Variants in NDEL1 observed in about 807,000 individuals in gnomAD.
NDEL1 encodes the protein nudE neurodevelopment protein 1 like 1, also known as nuclear distribution protein nudE-like 1.
NDEL1 carries 9 observed loss-of-function variants against 45.7 expected under a neutral mutation model. The ratio of observed to expected loss-of-function variants is 0.20; its 90% CI spans 0.12 to 0.34. The LOEUF is 0.34. Ranked by LOEUF, NDEL1 falls within the 10% of genes least tolerant of loss-of-function variation. NDEL1 has a pLI of 1.00. For synonymous variants in NDEL1, 133 were observed against 158.6 expected (o/e 0.84, Z 1.21); for missense variants, 306 against 406.2 (o/e 0.75, Z 2.12).
At chr17:8,427,206 G>C (rs1004029243) in intron 1 of NDEL1, among the ~76,000 whole-genome samples, 4 of 152,230 alleles carry the variant, frequency 2.6e-5, no homozygotes, top group African/African-American at 9.6e-5. Context: ...GGGAGTCTGA[G>C]CTGCTTTGAG....
intron 1 of NDEL1, among the ~76,000 whole-genome samples, chr17:8,419,712 C>G (rs1908654961): frequency 6.6e-6 from 1 of 152,084 alleles, no homozygotes; most frequent in African/African-American, 2.4e-5. Context: ...AACTTTAATT[C>G]TTTTTCAGGT....
At chr17:8,469,146 G>T (rs995084726), downstream of NDEL1, among the ~76,000 whole-genome samples, 1 of 152,104 alleles carries the variant, frequency 6.6e-6, no homozygotes, top group Non-Finnish European at 1.5e-5. Context: ...AGGGACACTC[G>T]CGGTGGGTGT....
intron 7 of NDEL1, among the ~76,000 whole-genome samples, chr17:8,457,961 T>C (rs1306443918): frequency 2.0e-5 from 3 of 152,262 alleles, no homozygotes; most frequent in Non-Finnish European, 4.4e-5. Context: ...GTAATACTTA[T>C]GTGGTACATA....
intron 1 of NDEL1, among the ~76,000 whole-genome samples, chr17:8,428,358 G>A (rs1030270530): frequency 0.047 from 2,292 of 48,300 alleles, 140 homozygotes; most frequent in African/African-American, 0.094. Flanking sequence ...GTGTGTGTGT[G>A]TGTATTTTTT....
At chr17:8,432,341 TATATAA>T (rs372427526), upstream of NDEL1, among the ~76,000 whole-genome samples, 463 of 12,150 alleles carry the variant, frequency 0.038, 25 homozygotes, top group African/African-American at 0.04. Flanking sequence ...ATATATATTA[TATATAA>T]ATATAAATAT....
chr17:8,435,854 G>A (rs1909282504), upstream of NDEL1: 1 of 446,674 alleles, frequency 2.2e-6, no homozygotes, highest in Non-Finnish European at 4.5e-6. Flanking sequence ...CCGCCCCCGT[G>A]CGTCACAGAA....
At chr17:8,441,734 C>T (rs529882420) in intron 1 of NDEL1, among the ~76,000 whole-genome samples, 82 of 152,100 alleles carry the variant, frequency 5.4e-4, no homozygotes, top group African/African-American at 1.8e-3. Flanking sequence ...TGGTGTCATC[C>T]GTCTGAAGCA....
At chr17:8,432,795 T>G (rs1373225031), upstream of NDEL1, among the ~76,000 whole-genome samples, 2 of 152,186 alleles carry the variant, frequency 1.3e-5, no homozygotes, top group Non-Finnish European at 2.9e-5. Context: ...TGCCCTTGTT[T>G]GATGAGAGAA....
At chr17:8,453,189 G>A (rs1374302150) in intron 6 of NDEL1, among the ~76,000 whole-genome samples, 2 of 152,102 alleles carry the variant, frequency 1.3e-5, no homozygotes, top group Admixed American at 1.3e-4. Flanking sequence ...CACGTTGAGC[G>A]CCTGTTATGT....
intron 1 of NDEL1, among the ~76,000 whole-genome samples, chr17:8,426,192 C>G (rs1908826422): frequency 6.6e-6 from 1 of 152,162 alleles, no homozygotes; most frequent in Non-Finnish European, 1.5e-5. Flanking sequence ...GTTAATTGTG[C>G]TATGCCAGGC....
downstream of NDEL1, among the ~76,000 whole-genome samples, chr17:8,468,333 T>C (rs189802005): frequency 1.5e-3 from 222 of 152,350 alleles, no homozygotes; most frequent in African/African-American, 5.2e-3. Context: ...GTCCTCATGC[T>C]GTTTCTTGGC....
chr17:8,417,413 C>T (rs190363748), intron 1 of NDEL1, among the ~76,000 whole-genome samples: 1 of 152,216 alleles, frequency 6.6e-6, no homozygotes, highest in Admixed American at 6.5e-5. Context: ...ATATTGAAGC[C>T]CTTGAATTTC....
In NDEL1 at chr17:8,438,486, C is replaced by A. The variant is rs142851508; in HGVS notation, c.-13+2441C>A. Among the ~76,000 whole-genome samples, 40 of 152,224 alleles carry A rather than the reference C, an allele frequency of 2.6e-4. No individual in the cohort carries two copies. The East Asian group carries it at 6.6e-3, about 25-fold the overall frequency. ...GTCGTTTGAGTATCTGCAGTGGTAG[C>A]AAATTTTATTATTTGTAAATAATCT... is the stretch of plus-strand genomic sequence containing the variant. On this transcript the variant is annotated intron_variant, in intron 1 of 8. Coordinates refer to ENST00000334527, the MANE Select transcript of NDEL1 (RefSeq NM_030808.5).
chr17:8,435,790 G>GCCCCGCCCCA (rs1909265431), upstream of NDEL1: 1 of 371,040 alleles, frequency 2.7e-6, no homozygotes, highest in Non-Finnish European at 5.3e-6. Context: ...TGTGACACCA[G>GCCCCGCCCCA]CCCCGCCCCA....
At chr17:8,473,603 C>T (rs561542488) in intron 3 of NDEL1, among the ~76,000 whole-genome samples, 1 of 152,320 alleles carries the variant, frequency 6.6e-6, no homozygotes, top group African/African-American at 2.4e-5. Context: ...CACCTTTCCT[C>T]TCCTATGGTA....
Position 8,418,027 on chromosome 17 carries a change from C to T in NDEL1, c.-13+4758C>T, listed in dbSNP as rs142158107. 1.0e-3 allele frequency among the ~76,000 whole-genome samples: 156 copies of T among 152,304 alleles called. 1 individual carries two copies. Among genetic ancestry groups the T allele is most frequent in the East Asian group, 5.8e-3 (30 of 5,182 alleles). ...TTGCTTTTCAAAGTAGCCCGCACCT[C>T]CAGTTACTGAGACTTTCTGGAGTTA... On this transcript the variant is annotated intron_variant, in intron 1 of 4. Coordinates refer to the NDEL1 transcript ENST00000582812.
At chr17:8,444,128 G>C (rs2151715077) in intron 1 of NDEL1, 132 bp from the exon 2 acceptor site, 1 of 607,850 alleles carries the variant, frequency 1.6e-6, no homozygotes, top group Non-Finnish European at 2.9e-6. Context: ...AGTTTGAAGA[G>C]AGTTAACCAC....
rs770188824 is a variant in NDEL1, at chr17:8,454,832, C to G, written c.737C>G (p.Pro246Arg). The stretch of plus-strand genomic sequence containing the variant: ...GGTTTTGGTACCAGTCCACTAACTC[C>G]CTCTGCTAGGATATCAGCACTAAAC... ...PNGFGTSPLT[P>R]SARISALNIV... Residue 246 changes from proline to arginine, a missense_variant, in exon 7 of 9, where the codon CCC (proline) becomes CGC (arginine). Physicochemically the swap from Pro to Arg is moderately radical, Grantham distance 103 (BLOSUM62 -2). Around this residue, in one of 3 missense-constraint regions of NDEL1, gnomAD observed 175 missense variants for 205.2 expected, o/e 0.85. Transcript: ENST00000334527. 2 of 1,613,952 alleles carry G rather than the reference C, an allele frequency of 1.2e-6. No individual in the cohort carries two copies. The highest frequency in any genetic ancestry group is 2.2e-5 in the South Asian group (2 of 91,046).
chr17:8,415,020 C>G (rs1908511255), intron 1 of NDEL1, among the ~76,000 whole-genome samples: 1 of 152,188 alleles, frequency 6.6e-6, no homozygotes, highest in Admixed American at 6.5e-5. Context: ...CTCCCCAGGA[C>G]TGCTGAATGT....
Sources: gnomAD v4.1 joint callset for allele counts (sites outside exome capture counted in the v4.1 genomes callset) on GRCh38, gnomAD v4.1.1 for gene constraint, gnomAD v4.1.1 regional missense constraint, MANE v1.5 for transcripts, NCBI Gene and HGNC (gene_info 2026-07-23, HGNC 2026-07-21) for gene names.